Variants in GORASP1 observed in about 807,000 individuals in gnomAD.
GORASP1 encodes golgi reassembly stacking protein 1.
A neutral mutation model predicts 37.7 loss-of-function variants in GORASP1; 31 were observed. That is an observed-to-expected ratio of 0.82 (90% CI 0.62 to 1.11). The LOEUF (loss-of-function observed/expected upper bound fraction) is 1.11, where lower values mean the gene tolerates loss of function less well. Among genes scored for constraint, GORASP1 ranks in the 50% least tolerant of loss-of-function variants. GORASP1 has a pLI of 0.00. For missense variants in GORASP1, 476 were observed against 560.7 expected (o/e 0.85, Z 1.53); for synonymous variants, 204 against 224.8 (o/e 0.91, Z 0.83).
Position 39,100,692 on chromosome 3 carries a change from C to A in GORASP1, c.566+55G>T, listed in dbSNP as rs1312004138. 2 of 1,599,436 alleles carry A rather than the reference C, an allele frequency of 1.3e-6. No homozygotes were observed. The highest frequency in any genetic ancestry group is 2.7e-5 in the African/African-American group (2 of 74,698). On this transcript the variant is annotated intron_variant, in intron 5 of 8. Transcript: ENST00000319283. The surrounding 1 kb of genome is among the most constrained non-coding windows in gnomAD (Gnocchi z 4.6). ...CACCATAGAACTCTGAGGTCCATGCCCAATGGTCAGGCCCCACCCACCTGG... is the reference window on the plus strand; with the variant it reads ...CACCATAGAACTCTGAGGTCCATGCACAATGGTCAGGCCCCACCCACCTGG...
At chr3:39,099,033 C>A in intron 7 of GORASP1, 140 bp from the exon 8 acceptor site, 1 of 1,141,686 alleles carries the variant, frequency 8.8e-7, no homozygotes, top group Non-Finnish European at 1.3e-6. Flanking sequence ...ACCCCTCACC[C>A]AACCTCAAAG....
At position 39,098,490 on chromosome 3, in the gene GORASP1, C is replaced by G; in HGVS notation, c.1070-1G>C. 1 of 1,611,824 alleles carries G rather than the reference C, an allele frequency of 6.2e-7. No individual in the cohort carries two copies. The highest frequency in any genetic ancestry group is 8.5e-7 in the Non-Finnish European group (1 of 1,178,594). ...TCTGACCCAGACCATGTAGCCTCAC[C>G]TGCAACACAGAAGATCAGGCTGAGG... On this transcript the variant is annotated splice_acceptor_variant, in intron 8 of 8. Coordinates refer to ENST00000319283, the MANE Select transcript of GORASP1 (RefSeq NM_031899.4). LOFTEE classifies it high-confidence loss of function. The surrounding 1 kb of genome is among the most constrained non-coding windows in gnomAD (Gnocchi z 4.7).
In GORASP1 at chr3:39,098,157, C is replaced by T. The variant is rs927997818; in HGVS notation, c.*79G>A. On this transcript the variant is annotated 3_prime_UTR_variant, in exon 9 of 9. Transcript: ENST00000319283. This position sits in a 1 kb window ranked among gnomAD's most constrained non-coding sequence, Gnocchi z 4.7. ...CACCAAAGCAGCAAGGAATCCTGAC[C>T]GCATAGTGCAGCCCGGGCTGCCTGC... 31 of 1,512,538 alleles carry T rather than the reference C, an allele frequency of 2.0e-5. No individual in the cohort carries two copies. Among genetic ancestry groups the T allele is most frequent in the African/African-American group, 2.8e-5 (2 of 72,642 alleles). The allele number at this position is 1,512,538 out of a possible 1,614,324, so 93.7% of individuals were successfully genotyped here.
Position 39,100,824 on chromosome 3 carries a change from C to T in GORASP1, c.489G>A (p.Leu163=), listed in dbSNP as rs766969758. ...AGTCTGACTTGGAGTTATACACCAT[C>T]AGCTTCAAGGGCTTCCCCTCATGAG... ...IESHEGKPLK[L]MVYNSKSDSC... The change falls in exon 5 of 9, where the codon CTG becomes CTA. Residue 163 remains leucine, a synonymous_variant. Transcript: ENST00000319283. The surrounding 1 kb of genome is among the most constrained non-coding windows in gnomAD (Gnocchi z 4.6). 13 of 1,614,050 alleles carry T rather than the reference C, an allele frequency of 8.1e-6. No homozygotes were observed. In the African/African-American group the frequency reaches 1.6e-4, roughly 20 times the overall value.
chr3:39,101,385 C>A, intron 3 of GORASP1: 1 of 588,360 alleles, frequency 1.7e-6, no homozygotes, highest in South Asian at 1.7e-5. Flanking sequence ...AGCTATATGA[C>A]TATAAACACA....
rs1367327486 is a variant in GORASP1, at chr3:39,096,685, T to C, written c.*1551A>G. 1 of 152,240 alleles carries C rather than the reference T, an allele frequency of 6.6e-6. No homozygotes were observed. The highest frequency in any genetic ancestry group is 1.5e-5 in the Non-Finnish European group (1 of 68,044). The allele number at this position is 152,240 out of a possible 1,614,324, so 9.4% of individuals were successfully genotyped here. On this transcript the variant is annotated 3_prime_UTR_variant, in exon 9 of 9. Coordinates refer to ENST00000319283, the MANE Select transcript of GORASP1 (RefSeq NM_031899.4). The stretch of plus-strand genomic sequence containing the variant: ...AAATATTTCAAAGTGTAGTACACAT[T>C]TATTTTCATTTGTTATTTTCTTTCA...
chr3:39,101,586 G>A (rs747530768), intron 3 of GORASP1: 2 of 456,816 alleles, frequency 4.4e-6, no homozygotes, highest in South Asian at 3.1e-5. Flanking sequence ...GGTTGGAGGT[G>A]AGGGCAATGA....
intron 1 of GORASP1, chr3:39,106,821 G>A (rs909233890): frequency 7.4e-6 from 2 of 270,988 alleles, no homozygotes; most frequent in South Asian, 5.7e-5. Flanking sequence ...TCCACTCTCC[G>A]GAAGCCTGCT....
Position 39,103,536 on chromosome 3 carries a change from T to C in GORASP1, c.81A>G (p.Pro27=). ...AGGGCTCCAGGCCCGCCTGCTGGGC[T>C]GGGGAGTTCTCCTGCACCTATCCCA... The part of the protein sequence containing the change: ...FHLHGVQENS[P]AQQAGLEPYF... Residue 27 remains proline (P), a synonymous_variant, in exon 2 of 9, where the codon CCA becomes CCG. Coordinates refer to ENST00000319283, the MANE Select transcript of GORASP1 (RefSeq NM_031899.4). The surrounding 1 kb of genome is among the most constrained non-coding windows in gnomAD (Gnocchi z 5.2). 6.2e-7 allele frequency: 1 copy of C among 1,613,296 alleles called. No individual in the cohort carries two copies. The highest frequency in any genetic ancestry group is 8.5e-7 in the Non-Finnish European group (1 of 1,179,784).
In GORASP1 at chr3:39,099,413, G is replaced by A. The variant is rs760589384; in HGVS notation, c.856C>T (p.Pro286Ser). The change falls in exon 7 of 9, where the codon CCC becomes TCC. Residue 286 changes from proline (P) to serine (S), a missense_variant. Physicochemically the swap from Pro to Ser is moderately conservative, Grantham distance 74. Transcript: ENST00000319283. ...TGAAGAGGAGTCTCCATGAAATGGGGAAGTCCATCAGGGTCTGGAGCACTG... is the reference window on the plus strand; with the variant it reads ...TGAAGAGGAGTCTCCATGAAATGGGAAAGTCCATCAGGGTCTGGAGCACTG... Reference protein sequence around the residue: ...SHSAPDPDGLPHFMETPLQPP... With the variant: ...SHSAPDPDGLSHFMETPLQPP... 3.7e-6 allele frequency: 6 copies of A among 1,613,298 alleles called. No individual in the cohort carries two copies. The Admixed American group carries it at 6.7e-5, about 18-fold the overall frequency.
At chr3:39,107,110 G>A (rs745895824) in intron 1 of GORASP1, 6 of 480,238 alleles carry the variant, frequency 1.2e-5, no homozygotes, top group Admixed American at 1.2e-4. Flanking sequence ...ACGGAGAGCG[G>A]CCCGCGGCAG....
Position 39,103,507 on chromosome 3 carries a change from A to C in GORASP1, c.110T>G (p.Phe37Cys), listed in dbSNP as rs759740170. The C allele has an allele frequency of 8.1e-5, 131 of 1,613,510 alleles. No individual in the cohort carries two copies. Among genetic ancestry groups the C allele is most frequent in the Non-Finnish European group, 1.1e-4 (129 of 1,179,874 alleles). Residue 37 changes from phenylalanine (F) to cysteine (C), a missense_variant, in exon 2 of 9, where the codon TTT (phenylalanine) becomes TGT (cysteine). Physicochemically the swap from Phe to Cys is radical, Grantham distance 205. Coordinates refer to ENST00000319283, the MANE Select transcript of GORASP1 (RefSeq NM_031899.4). This position sits in a 1 kb window ranked among gnomAD's most constrained non-coding sequence, Gnocchi z 5.2. ...GTGCCCAATGGTGATGATGAAGTCA[A>C]AGTAGGGCTCCAGGCCCGCCTGCTG... ...PAQQAGLEPY[F>C]DFIITIGHSR...
chr3:39,104,007 C>A (rs1396833631), intron 1 of GORASP1, among the ~76,000 whole-genome samples: 1 of 152,158 alleles, frequency 6.6e-6, no homozygotes, highest in Admixed American at 6.5e-5. Context: ...CAGGGCTGTA[C>A]CCAGAAAGAG....
At chr3:39,099,687 C>A (rs1352610270) in intron 6 of GORASP1, among the ~76,000 whole-genome samples, 184 bp from the exon 7 acceptor site, 1 of 152,194 alleles carries the variant, frequency 6.6e-6, no homozygotes, top group Non-Finnish European at 1.5e-5. Context: ...GCCTGAGGGG[C>A]CTGGCCTGGC....
Position 39,102,768 on chromosome 3 carries a change from G to A in GORASP1, c.258C>T (p.Pro86=). 1 of 1,614,190 alleles carries A rather than the reference G, an allele frequency of 6.2e-7. No individual in the cohort carries two copies. The highest frequency in any genetic ancestry group is 1.6e-4 in the Middle Eastern group (1 of 6,062). Residue 86 remains proline (P), a synonymous_variant, in exon 3 of 9, where the codon CCC becomes CCT. Transcript: ENST00000319283. This position sits in a 1 kb window ranked among gnomAD's most constrained non-coding sequence, Gnocchi z 5.0. ...TMRVREVEVV[P]SNMWGGQGLL... ...GGCCCTGGCCGCCCCACATGTTGCT[G>A]GGCACCACCTCCACCTCGCGCACCC...
In GORASP1 at chr3:39,101,042, C is replaced by T; in HGVS notation, c.409G>A (p.Val137Ile). ...TCCTGGAGAATCTGGTCCGAACCAA[C>T]CACATAGTCTGTGTAGGGGCGCAGG... Reference protein sequence around the residue: ...AGLRPYTDYVVGSDQILQESE... With the variant: ...AGLRPYTDYVIGSDQILQESE... Residue 137 changes from valine (V) to isoleucine (I), a missense_variant, in exon 4 of 9, where the codon GTT (valine) becomes ATT (isoleucine). Val to Ile is a conservative substitution (Grantham distance 29). Coordinates refer to ENST00000319283, the MANE Select transcript of GORASP1 (RefSeq NM_031899.4). The T allele has an allele frequency of 6.2e-7, 1 of 1,614,160 alleles. No individual in the cohort carries two copies. Among genetic ancestry groups the T allele is most frequent in the Non-Finnish European group, 8.5e-7 (1 of 1,179,984 alleles).
At position 39,105,429 on chromosome 3, in the gene GORASP1, C is replaced by A. The variant is rs972626853; in HGVS notation, c.64-1876G>T. On this transcript the variant is annotated intron_variant, in intron 1 of 8. Coordinates refer to ENST00000319283, the MANE Select transcript of GORASP1 (RefSeq NM_031899.4). The surrounding 1 kb of genome is among the most constrained non-coding windows in gnomAD (Gnocchi z 5.4). ...GTTGGCTGAGTGCCAGGGCATGGCA[C>A]CACCTCACCTGCTTTATGTGTCATT... 2.7e-4 allele frequency among the ~76,000 whole-genome samples: 41 copies of A among 152,142 alleles called. No homozygotes were observed. Among genetic ancestry groups the A allele is most frequent in the Non-Finnish European group, 1.0e-4 (7 of 68,022 alleles).
chr3:39,098,596 G>A lies in GORASP1; in HGVS notation c.1070-107C>T. The stretch of plus-strand genomic sequence containing the variant: ...CCCCATTGCCACTCCAGGTTTGATG[G>A]GGGATTGGAGATGGAGTGTACAAAT... On this transcript the variant is annotated intron_variant, in intron 8 of 8. Coordinates refer to ENST00000319283, the MANE Select transcript of GORASP1 (RefSeq NM_031899.4). This position sits in a 1 kb window ranked among gnomAD's most constrained non-coding sequence, Gnocchi z 4.7. 1 of 1,502,016 alleles carries A rather than the reference G, an allele frequency of 6.7e-7. No homozygotes were observed. Among genetic ancestry groups the A allele is most frequent in the Admixed American group, 2.0e-5 (1 of 50,706 alleles). The allele number at this position is 1,502,016 out of a possible 1,614,324, so 93.0% of individuals were successfully genotyped here. A position where few individuals can be genotyped will look rare whatever the true frequency, so the allele number is the denominator to read the frequency against.
Position 39,100,913 on chromosome 3 carries a change from AG to A in GORASP1, c.436-37del. ...CGCATAGCACCTGAGGCCTGCTTCCAGGGCTAAAGCCTCAACAAAACCAGAC... is the reference window on the plus strand; with the variant it reads ...CGCATAGCACCTGAGGCCTGCTTCCAGGCTAAAGCCTCAACAAAACCAGAC... On this transcript the variant is annotated intron_variant, in intron 4 of 8. Transcript: ENST00000319283. This position sits in a 1 kb window ranked among gnomAD's most constrained non-coding sequence, Gnocchi z 4.6. 2.5e-6 allele frequency: 4 copies of A among 1,614,108 alleles called. No homozygotes were observed. The highest frequency in any genetic ancestry group is 3.4e-6 in the Non-Finnish European group (4 of 1,179,954).
Sources: gnomAD v4.1 joint callset for allele counts (sites outside exome capture counted in the v4.1 genomes callset) on GRCh38, gnomAD v4.1.1 for gene constraint, Gnocchi (gnomAD v3.1) non-coding constraint, MANE v1.5 for transcripts, NCBI Gene and HGNC (gene_info 2026-07-23, HGNC 2026-07-21) for gene names.